RAC1: variants seen among roughly 807,000 people sequenced by gnomAD.
The protein encoded by RAC1 is Rac family small GTPase 1, also known as ras-related C3 botulinum toxin substrate 1.
RAC1 carries 2 observed loss-of-function variants against 25.2 expected under a neutral mutation model. The ratio of observed to expected loss-of-function variants is 0.08; its 90% CI spans 0.03 to 0.25. RAC1 has a LOEUF of 0.25. Ranked by LOEUF, RAC1 falls within the 10% of genes least tolerant of loss-of-function variation. The pLI is 1.00. For missense variants in RAC1, 50 were observed against 235.7 expected (o/e 0.21, Z 5.16); for synonymous variants, 88 against 94.0 (o/e 0.94, Z 0.37).
chr7:6,393,546 A>T lies in RAC1; in HGVS notation c.225+1505A>T, dbSNP rs577281720. On this transcript the variant is annotated intron_variant, in intron 3 of 5. Coordinates refer to ENST00000348035, the MANE Select transcript of RAC1 (RefSeq NM_006908.5). ...TTTGTGTTCTGAGGAACACACAGAT[A>T]AGGAAAGAGAACTCTCCTCAGCTTG... 5.3e-5 allele frequency among the ~76,000 whole-genome samples: 8 copies of T among 152,210 alleles called. No individual in the cohort carries two copies. The East Asian group carries it at 1.5e-3, about 29-fold the overall frequency.
intron 1 of RAC1, among the ~76,000 whole-genome samples, chr7:6,385,733 A>G (rs1355385490): frequency 6.6e-6 from 1 of 152,172 alleles, no homozygotes; most frequent in Non-Finnish European, 1.5e-5. Context: ...AGTGTGAGGG[A>G]AAATGGAAAA....
rs148889462 is a variant in RAC1 at position 6,389,785 on chromosome 7, C to T, written c.108-2139C>T. On this transcript the variant is annotated intron_variant, in intron 2 of 5. Transcript: ENST00000348035. ...CAGGTGATTCTCCACCTTGGTCTCC[C>T]GAAGTGTTGGGATTACAGGCGTGAG... Among the ~76,000 whole-genome samples the T allele has an allele frequency of 4.1e-3, 624 of 152,196 alleles. 4 individuals are homozygous for T. Among genetic ancestry groups the T allele is most frequent in the African/African-American group, 0.014 (601 of 41,510 alleles).
chr7:6,383,381 AGAG>A (rs1176814511), intron 1 of RAC1, among the ~76,000 whole-genome samples: 4 of 152,026 alleles, frequency 2.6e-5, no homozygotes, highest in Admixed American at 1.3e-4. Flanking sequence ...GAAGACTTAA[AGAG>A]GAGTCGATTT....
chr7:6,400,227 T>A (rs1404151337), intron 4 of RAC1, 39 bp downstream of exon 4: 1 of 1,510,660 alleles, frequency 6.6e-7, no homozygotes, highest in African/African-American at 1.4e-5. Context: ...AGTTATAGAA[T>A]GATCCTCTCA....
At chr7:6,385,616 ACT>A (rs1170932862) in intron 1 of RAC1, among the ~76,000 whole-genome samples, 4 of 152,126 alleles carry the variant, frequency 2.6e-5, no homozygotes, top group African/African-American at 9.7e-5. Flanking sequence ...GTAATGTTTG[ACT>A]CTCTAAAGTC....
intron 1 of RAC1, among the ~76,000 whole-genome samples, chr7:6,376,400 T>G (rs1583255164): frequency 6.6e-6 from 1 of 151,914 alleles, no homozygotes; most frequent in South Asian, 2.1e-4. Flanking sequence ...GCCTGGCTGG[T>G]CTCGAATTCC....
At chr7:6,374,965 G>T (rs1278009217) in intron 1 of RAC1, among the ~76,000 whole-genome samples, 195 bp downstream of exon 1, 1 of 151,712 alleles carries the variant, frequency 6.6e-6, no homozygotes, top group African/African-American at 2.4e-5. Context: ...CGCGTGCCTG[G>T]TTCCGGCTCT....
At chr7:6,382,589 C>T (rs937940140) in intron 1 of RAC1, among the ~76,000 whole-genome samples, 4 of 152,118 alleles carry the variant, frequency 2.6e-5, no homozygotes, top group African/African-American at 9.7e-5. Context: ...CTTGGCTGGG[C>T]GTGGTGGCTC....
In RAC1 at chr7:6,398,415, G is replaced by GC. The variant is rs560865681; in HGVS notation, c.226-1704dup. Among the ~76,000 whole-genome samples, 45 of 152,224 alleles carry GC rather than the reference G, an allele frequency of 3.0e-4. No individual in the cohort carries two copies. In the South Asian group the frequency reaches 4.1e-3, roughly 14 times the overall value. ...GCCATGGGAGGAGGAGCACGTTGTT[G>GC]CCCCCCCTCAGGATCTCCCTGACCT... is the stretch of plus-strand genomic sequence containing the variant. On this transcript the variant is annotated intron_variant, in intron 3 of 5. Transcript: ENST00000348035.
rs917431685 is a variant in RAC1, at chr7:6,403,045, G to A, written c.*599G>A. On this transcript the variant is annotated 3_prime_UTR_variant, in exon 6 of 6. Transcript: ENST00000348035. ...GGATCAGTCTTTGTGATTTCATAGC[G>A]AGTTTTCTGACCAGCTTTTGCGGAG... The A allele has an allele frequency of 3.5e-5, 7 of 197,560 alleles. No homozygotes were observed. Among genetic ancestry groups the A allele is most frequent in the Admixed American group, 6.1e-5 (1 of 16,428 alleles). The allele number at this position is 197,560 out of a possible 1,614,324, so 12.2% of individuals were successfully genotyped here. A position where few individuals can be genotyped will look rare whatever the true frequency, so the allele number is the denominator to read the frequency against.
intron 3 of RAC1, among the ~76,000 whole-genome samples, chr7:6,396,844 C>A (rs1452487107): frequency 6.6e-6 from 1 of 152,050 alleles, no homozygotes; most frequent in African/African-American, 2.4e-5. Context: ...TCCTGGCTAA[C>A]ACGTTGAAAC....
rs1484553436 is a variant in RAC1, at chr7:6,402,502, C to CAAAAAAAAAAAAAAA, written c.*65_*66insAAAAAAAAAAAAAAA. The stretch of plus-strand genomic sequence containing the variant: ...CCTTGGAACCTTTGTACGCTTTGCT[C>CAAAAAAAAAAAAAAA]AAAAAAAAACAAAAAAAAAAAACAA... On this transcript the variant is annotated 3_prime_UTR_variant, in exon 6 of 6. Coordinates refer to ENST00000348035, the MANE Select transcript of RAC1 (RefSeq NM_006908.5). 9 of 106,284 alleles carry CAAAAAAAAAAAAAAA rather than the reference C, an allele frequency of 8.5e-5. 1 individual carries two copies. The East Asian group carries it at 1.7e-3, about 20-fold the overall frequency. The allele number at this position is 106,284 out of a possible 1,614,324, so 6.6% of individuals were successfully genotyped here.
intron 2 of RAC1, among the ~76,000 whole-genome samples, chr7:6,387,656 C>T (rs1476096201): frequency 2.6e-5 from 4 of 151,216 alleles, no homozygotes; most frequent in Non-Finnish European, 5.9e-5. Flanking sequence ...ACCGTGGAGG[C>T]GGAGGTTGCA....
intron 1 of RAC1, among the ~76,000 whole-genome samples, chr7:6,386,079 G>T (rs970177566): frequency 1.3e-5 from 2 of 152,144 alleles, no homozygotes; most frequent in Non-Finnish European, 2.9e-5. Flanking sequence ...TCTGCCTGGC[G>T]GCACACTGGT....
At chr7:6,379,110 G>A (rs189533989) in intron 1 of RAC1, among the ~76,000 whole-genome samples, 1 of 151,934 alleles carries the variant, frequency 6.6e-6, no homozygotes, top group African/African-American at 2.4e-5. Flanking sequence ...AAAAAAGACA[G>A]CATCTTACAT....
chr7:6,398,830 T>A, intron 3 of RAC1: 1 of 1,000,730 alleles, frequency 1.0e-6, no homozygotes, highest in Non-Finnish European at 1.5e-6. Flanking sequence ...GTTTTATATT[T>A]AATTCACTCA....
intron 3 of RAC1, among the ~76,000 whole-genome samples, chr7:6,396,269 C>T (rs942677516): frequency 1.3e-5 from 2 of 152,088 alleles, no homozygotes; most frequent in Admixed American, 6.6e-5. Flanking sequence ...TTGAGTGTTA[C>T]GAGGACGGGG....
At chr7:6,385,354 A>G (rs987165779) in intron 1 of RAC1, among the ~76,000 whole-genome samples, 1 of 152,100 alleles carries the variant, frequency 6.6e-6, no homozygotes, top group Non-Finnish European at 1.5e-5. Flanking sequence ...TAGTTTGGGG[A>G]TGGAGCTGGT....
At chr7:6,381,148 G>A (rs931712918) in intron 1 of RAC1, among the ~76,000 whole-genome samples, 1 of 152,018 alleles carries the variant, frequency 6.6e-6, no homozygotes, top group Non-Finnish European at 1.5e-5. Context: ...GATTACAGGC[G>A]TCAGCCACCA....
Sources: allele counts gnomAD v4.1 joint callset (sites outside exome capture counted in the v4.1 genomes callset), GRCh38; gene constraint gnomAD v4.1.1; transcripts MANE v1.5; gene names NCBI Gene and HGNC (gene_info 2026-07-23, HGNC 2026-07-21).